The following R3HDM1 variants were observed in gnomAD, a reference collection of about 807,000 sequenced individuals.
R3HDM1 encodes the protein R3H domain-containing protein 1.
A neutral mutation model predicts 141.1 loss-of-function variants in R3HDM1; 46 were observed. That is an observed-to-expected ratio of 0.33 (90% CI 0.26 to 0.42). R3HDM1 has a LOEUF of 0.42. R3HDM1 is among the 10% of genes least tolerant of loss of function. The pLI is 1.00. For synonymous variants in R3HDM1, 435 were observed against 472.9 expected (o/e 0.92, Z 1.04); for missense variants, 1,184 against 1,368.3 (o/e 0.87, Z 2.12).
intron 19 of R3HDM1, chr2:135,667,183 TG>T (rs1415463729): frequency 1.0e-6 from 1 of 981,170 alleles, no homozygotes; most frequent in Admixed American, 6.2e-5. Context: ...TGCTGAGCAC[TG>T]CATTTCCTTC....
At chr2:135,624,328 G>C (rs1265689442) in intron 7 of R3HDM1, among the ~76,000 whole-genome samples, 1 of 150,708 alleles carries the variant, frequency 6.6e-6, no homozygotes, top group East Asian at 2.0e-4. Flanking sequence ...CCGGGAGGCA[G>C]AGCTTGCAGT....
At chr2:135,698,915 C>T (rs1041018195) in intron 21 of R3HDM1, among the ~76,000 whole-genome samples, 1 of 151,924 alleles carries the variant, frequency 6.6e-6, no homozygotes, top group Non-Finnish European at 1.5e-5. Context: ...GCCCCACCTC[C>T]AGCGTTGGGG....
intron 9 of R3HDM1, among the ~76,000 whole-genome samples, chr2:135,634,762 A>G (rs1440817221): frequency 6.6e-6 from 1 of 152,226 alleles, no homozygotes; most frequent in African/African-American, 2.4e-5. Context: ...CACATATATC[A>G]TTTGATATTT....
At chr2:135,573,923 A>G (rs969038953) in intron 1 of R3HDM1, among the ~76,000 whole-genome samples, 1 of 152,178 alleles carries the variant, frequency 6.6e-6, no homozygotes, top group African/African-American at 2.4e-5. Flanking sequence ...ATTTATCTGA[A>G]AAAATGAACA....
chr2:135,708,751 C>T (rs1439051076), intron 21 of R3HDM1, among the ~76,000 whole-genome samples: 5 of 151,960 alleles, frequency 3.3e-5, no homozygotes, highest in African/African-American at 7.3e-5. Context: ...CTTGAGGTCA[C>T]GAGTTCAAGA....
Position 135,540,367 on chromosome 2 carries a change from G to C in R3HDM1, c.-250+8734G>C, listed in dbSNP as rs115782181. Among the ~76,000 whole-genome samples, 210 of 152,210 alleles carry C rather than the reference G, an allele frequency of 1.4e-3. 1 individual carries two copies. Among genetic ancestry groups the C allele is most frequent in the South Asian group, 0.012 (56 of 4,824 alleles). ...TGATATTTTGTAACTTCACAGATGC[G>C]TAGGTGGTCAAAAAATAAAAATCTT... is the stretch of plus-strand genomic sequence containing the variant. On this transcript the variant is annotated intron_variant, in intron 1 of 26. Transcript: ENST00000683871.
At chr2:135,685,659 C>A (rs1207078087) in intron 21 of R3HDM1, among the ~76,000 whole-genome samples, 1 of 152,164 alleles carries the variant, frequency 6.6e-6, no homozygotes, top group African/African-American at 2.4e-5. Flanking sequence ...TGAGACTCTT[C>A]ATCATGGAAT....
intron 26 of R3HDM1, 133 bp downstream of exon 26, chr2:135,722,686 A>G: frequency 1.2e-6 from 1 of 816,666 alleles, no homozygotes; most frequent in Non-Finnish European, 1.9e-6. Flanking sequence ...TCTCTGATTT[A>G]GGGTTCTTGG....
intron 1 of R3HDM1, among the ~76,000 whole-genome samples, chr2:135,544,544 T>G (rs575605598): frequency 1.2e-4 from 19 of 152,084 alleles, no homozygotes; most frequent in Non-Finnish European, 2.6e-4. Flanking sequence ...CAAAAAAAGG[T>G]AAAAATTTCC....
intron 21 of R3HDM1, among the ~76,000 whole-genome samples, chr2:135,692,497 C>T: frequency 6.6e-6 from 1 of 152,078 alleles, no homozygotes; most frequent in East Asian, 1.9e-4. Flanking sequence ...GAGGCTGAAG[C>T]AGGAGAATCG....
intron 1 of R3HDM1, chr2:135,586,495 A>G (rs1403091846): frequency 6.3e-6 from 1 of 159,960 alleles, no homozygotes. Context: ...AGCAAATACC[A>G]ATACAATGAA....
intron 1 of R3HDM1, among the ~76,000 whole-genome samples, chr2:135,579,783 CTAAA>C (rs1332855957): frequency 6.6e-6 from 1 of 152,046 alleles, no homozygotes; most frequent in East Asian, 1.9e-4. Flanking sequence ...CTTAAGGAAT[CTAAA>C]TAAGGTCTGT....
intron 3 of R3HDM1, among the ~76,000 whole-genome samples, chr2:135,614,232 A>C (rs1366919940): frequency 6.6e-6 from 1 of 152,230 alleles, no homozygotes; most frequent in East Asian, 1.9e-4. Context: ...AGATAAATAC[A>C]TGTGTAAGTC....
At chr2:135,658,590 C>T (rs1342222595) in intron 18 of R3HDM1, among the ~76,000 whole-genome samples, 3 of 152,160 alleles carry the variant, frequency 2.0e-5, no homozygotes, top group African/African-American at 7.2e-5. Flanking sequence ...CTACTGTAGA[C>T]TTCATAAACA....
At chr2:135,606,637 C>T (rs902595837) in intron 3 of R3HDM1, 1 of 151,210 alleles carries the variant, frequency 6.6e-6, no homozygotes, top group South Asian at 2.1e-4. Flanking sequence ...GTTGCGCGCA[C>T]CTATAGTCCC....
intron 1 of R3HDM1, among the ~76,000 whole-genome samples, chr2:135,577,930 C>CTGT (rs1705868546): frequency 6.6e-6 from 1 of 151,440 alleles, no homozygotes; most frequent in Non-Finnish European, 1.5e-5. Context: ...ACAGCTAATT[C>CTGT]TGTGCAAGGC....
At chr2:135,684,985 A>G (rs2071084285) in intron 21 of R3HDM1, among the ~76,000 whole-genome samples, 1 of 152,090 alleles carries the variant, frequency 6.6e-6, no homozygotes, top group African/African-American at 2.4e-5. Context: ...GCTGGTCTCG[A>G]ACTCCAAGGC....
chr2:135,669,461 G>A, intron 19 of R3HDM1: 1 of 984,440 alleles, frequency 1.0e-6, no homozygotes. Flanking sequence ...CTGTTTTCCT[G>A]TAATTAAGTT....
intron 7 of R3HDM1, among the ~76,000 whole-genome samples, chr2:135,627,703 A>G (rs1393533521): frequency 6.6e-6 from 1 of 152,136 alleles, no homozygotes; most frequent in Non-Finnish European, 1.5e-5. Flanking sequence ...GTTTTGCTCT[A>G]GGGAACGTCA....
Sources: gnomAD v4.1 joint callset for allele counts (sites outside exome capture counted in the v4.1 genomes callset) on GRCh38, gnomAD v4.1.1 for gene constraint, MANE v1.5 for transcripts, NCBI Gene and HGNC (gene_info 2026-07-23, HGNC 2026-07-21) for gene names.